SPECC1: variants seen among roughly 807,000 people sequenced by gnomAD.
The protein encoded by SPECC1 is sperm antigen with calponin homology and coiled-coil domains 1.
SPECC1 carries 62 observed loss-of-function variants against 104.1 expected under a neutral mutation model. The ratio of observed to expected loss-of-function variants is 0.60; its 90% CI spans 0.49 to 0.74. SPECC1 has a LOEUF of 0.74. SPECC1 is among the 30% of genes least tolerant of loss of function. The probability of loss-of-function intolerance (pLI) is 0.00; values close to 1 mark genes in which losing one functional copy is unlikely to be tolerated. For missense variants in SPECC1, 1,306 were observed against 1,310.5 expected (o/e 1.00, Z 0.05); for synonymous variants, 513 against 501.6 (o/e 1.02, Z -0.30).
chr17:20,260,548 C>T (rs2039989177), intron 12 of SPECC1, among the ~76,000 whole-genome samples: 2 of 152,230 alleles, frequency 1.3e-5, no homozygotes, highest in South Asian at 2.1e-4. Flanking sequence ...AGAGCTGCAC[C>T]TCCCGAGGGA....
At position 20,110,420 on chromosome 17, in the gene SPECC1, C is replaced by A. The variant is rs771460104; in HGVS notation, c.148-7C>A. On this transcript the variant is annotated splice_polypyrimidine_tract_variant and splice_region_variant and intron_variant, in intron 2 of 14. Coordinates refer to ENST00000395527, the MANE Select transcript of SPECC1 (RefSeq NM_001243439.2). ...TCATCCTCTCTCTTTCCTTCCAACT[C>A]TCTCAGCTCAAGAGGGCCAGCAGTG... is the stretch of plus-strand genomic sequence containing the variant. The A allele has an allele frequency of 1.9e-6, 3 of 1,607,166 alleles. No homozygotes were observed. Among genetic ancestry groups the A allele is most frequent in the East Asian group, 4.5e-5 (2 of 44,636 alleles).
intron 2 of SPECC1, among the ~76,000 whole-genome samples, chr17:20,109,819 A>T (rs747534090): frequency 6.6e-6 from 1 of 151,600 alleles, no homozygotes; most frequent in Non-Finnish European, 1.5e-5. Flanking sequence ...ATTGGTTCCC[A>T]TTCTTTTTTT....
intron 4 of SPECC1, among the ~76,000 whole-genome samples, chr17:20,218,471 A>G (rs941016905): frequency 6.6e-6 from 1 of 152,140 alleles, no homozygotes; most frequent in Non-Finnish European, 1.5e-5. Context: ...TCTATTTTGT[A>G]TTACAATCCA....
At chr17:20,217,146 AT>A (rs1418873782) in intron 4 of SPECC1, among the ~76,000 whole-genome samples, 1 of 152,076 alleles carries the variant, frequency 6.6e-6, no homozygotes, top group Non-Finnish European at 1.5e-5. Context: ...AAGTGATTTA[AT>A]TTCTCCCTCT....
intron 4 of SPECC1, among the ~76,000 whole-genome samples, chr17:20,221,179 A>G (rs2037851980): frequency 1.3e-5 from 2 of 152,096 alleles, no homozygotes; most frequent in Non-Finnish European, 2.9e-5. Flanking sequence ...TACTGCTTTC[A>G]GAATTGGTTT....
At chr17:20,265,992 A>G (rs1020860991) in intron 12 of SPECC1, among the ~76,000 whole-genome samples, 1 of 152,230 alleles carries the variant, frequency 6.6e-6, no homozygotes, top group Non-Finnish European at 1.5e-5. Flanking sequence ...AGAATATAAC[A>G]TGAACTCAGG....
At chr17:20,090,989 T>G (rs901245263) in intron 1 of SPECC1, among the ~76,000 whole-genome samples, 3 of 152,214 alleles carry the variant, frequency 2.0e-5, no homozygotes, top group Non-Finnish European at 4.4e-5. Flanking sequence ...CAGGAGTCCA[T>G]AGTTTCTTAC....
At chr17:20,200,124 A>AT (rs1567929849) in intron 3 of SPECC1, among the ~76,000 whole-genome samples, 3 of 152,094 alleles carry the variant, frequency 2.0e-5, no homozygotes, top group African/African-American at 7.2e-5. Flanking sequence ...TGATTAGTGC[A>AT]TTTTTTTCAT....
intron 1 of SPECC1, among the ~76,000 whole-genome samples, chr17:20,033,522 A>G (rs1175462226): frequency 6.6e-6 from 1 of 152,138 alleles, no homozygotes; most frequent in East Asian, 1.9e-4. Context: ...GCATGGCATC[A>G]CTATCTGCTT....
In SPECC1 at chr17:20,315,759, G is replaced by C; in HGVS notation, c.*1694G>C. 4.3e-6 allele frequency: 1 copy of C among 232,392 alleles called. No individual in the cohort carries two copies. The highest frequency in any genetic ancestry group is 8.5e-6 in the Non-Finnish European group (1 of 117,530). The allele number at this position is 232,392 out of a possible 1,614,324, so 14.4% of individuals were successfully genotyped here. ...TGCAGAGGTGGCAACTGGGCTGCAC[G>C]GGTCAGCAGATCCCTGATTCTCAAG... On this transcript the variant is annotated 3_prime_UTR_variant, in exon 15 of 15. Coordinates refer to ENST00000395527, the MANE Select transcript of SPECC1 (RefSeq NM_001243439.2).
In SPECC1 at chr17:20,204,673, G is replaced by A. The variant is rs374966901; in HGVS notation, c.624G>A (p.Leu208=). 6 of 1,613,746 alleles carry A rather than the reference G, an allele frequency of 3.7e-6. No homozygotes were observed. The African/African-American group carries it at 6.7e-5, about 18-fold the overall frequency. Residue 208 remains leucine, a synonymous_variant, in exon 4 of 15, where the codon TTG becomes TTA. Coordinates refer to ENST00000395527, the MANE Select transcript of SPECC1 (RefSeq NM_001243439.2). ...RTLNAEGTDA[L]GPNVDGTSVS... ...TGAACGCTGAGGGGACTGATGCTTT[G>A]GGCCCAAATGTCGATGGAACATCAG...
chr17:20,119,443 G>C (rs1015418450), intron 3 of SPECC1, among the ~76,000 whole-genome samples: 3 of 152,130 alleles, frequency 2.0e-5, no homozygotes, highest in African/African-American at 7.2e-5. Flanking sequence ...TGTTGGTCAG[G>C]CTGGTCTTGA....
chr17:20,254,141 G>C (rs2039736240), intron 10 of SPECC1, among the ~76,000 whole-genome samples: 1 of 133,952 alleles, frequency 7.5e-6, no homozygotes, highest in African/African-American at 2.5e-5. Context: ...CACCGTGTGT[G>C]TGTGTGTGTG....
intron 13 of SPECC1, among the ~76,000 whole-genome samples, chr17:20,304,988 AAAAC>A (rs1408391937): frequency 1.3e-5 from 2 of 152,084 alleles, no homozygotes; most frequent in Non-Finnish European, 2.9e-5. Context: ...CTGTAGGAAA[AAAAC>A]AAACTTTTGA....
chr17:20,293,264 A>G lies in SPECC1; in HGVS notation c.2941-3697A>G, dbSNP rs1225980040. ...ACCCTAAGGAAACTTCACAGGAAAC[A>G]TGGTACCATATTTTAGTACACATCT... On this transcript the variant is annotated intron_variant, in intron 12 of 14. Transcript: ENST00000395527. 2.6e-5 allele frequency among the ~76,000 whole-genome samples: 4 copies of G among 152,042 alleles called. No homozygotes were observed. The East Asian group carries it at 5.8e-4, about 22-fold the overall frequency.
intron 5 of SPECC1, 67 bp from the exon 6 acceptor site, chr17:20,231,691 A>AC: frequency 1.4e-6 from 2 of 1,451,514 alleles, no homozygotes; most frequent in Non-Finnish European, 9.7e-7. Context: ...TTTCTTTGCT[A>AC]CCTAGCGTGT....
chr17:20,165,127 C>T (rs2033535829), intron 3 of SPECC1, among the ~76,000 whole-genome samples: 1 of 152,138 alleles, frequency 6.6e-6, no homozygotes, highest in South Asian at 2.1e-4. Context: ...TGGTTTGCTG[C>T]ACAGATCAAC....
At chr17:20,017,729 C>G (rs974636291) in intron 1 of SPECC1, 1 of 152,266 alleles carries the variant, frequency 6.6e-6, no homozygotes, top group African/African-American at 2.4e-5. Context: ...TATTCTCTAT[C>G]TGGTCTTCAT....
chr17:20,242,784 A>G (rs2039261699), intron 7 of SPECC1, among the ~76,000 whole-genome samples: 1 of 152,228 alleles, frequency 6.6e-6, no homozygotes, highest in Admixed American at 6.5e-5. Flanking sequence ...TTCCTCTAAA[A>G]TAAGGGATAA....
Sources: gnomAD v4.1 joint callset for allele counts (sites outside exome capture counted in the v4.1 genomes callset) on GRCh38, gnomAD v4.1.1 for gene constraint, MANE v1.5 for transcripts, NCBI Gene and HGNC (gene_info 2026-07-23, HGNC 2026-07-21) for gene names.